APC: variants seen among roughly 807,000 people sequenced by gnomAD.
The protein encoded by APC is adenomatous polyposis coli protein.
A neutral mutation model predicts 247.0 loss-of-function variants in APC; 72 were observed. The observed-to-expected ratio is 0.29, with a 90% CI of 0.24 to 0.35. The LOEUF is 0.35. Among genes scored for constraint, APC ranks in the 10% least tolerant of loss-of-function variants. The pLI, the probability that APC is intolerant of heterozygous loss-of-function variation, is 1.00. For missense variants in APC, 3,400 were observed against 3,360.7 expected, an observed-to-expected ratio of 1.01 and a Z score of -0.29; for synonymous variants, 1,254 against 1,162.5, an observed-to-expected ratio of 1.08 and a Z score of -1.60.
chr5:112,832,362 A>G (rs1038536990), intron 14 of APC, among the ~76,000 whole-genome samples: 3 of 152,166 alleles, frequency 2.0e-5, no homozygotes, highest in Admixed American at 6.5e-5. Flanking sequence ...AATTGGGCTC[A>G]TCTTGATTGA....
chr5:112,733,408 G>C (rs146214070), upstream of APC, among the ~76,000 whole-genome samples: 1 of 152,190 alleles, frequency 6.6e-6, no homozygotes, highest in African/African-American at 2.4e-5. Flanking sequence ...ACTTAAGAGT[G>C]GAAGAGGGAG....
intron 1 of APC, 36 bp from the exon 2 acceptor site, chr5:112,754,837 T>C: frequency 1.2e-6 from 2 of 1,607,740 alleles, no homozygotes; most frequent in Non-Finnish European, 1.7e-6. Flanking sequence ...CTAAATTTTT[T>C]AGTAGTGAAT....
At position 112,839,524 on chromosome 5, in the gene APC, G is replaced by T. The variant is rs1461685734; in HGVS notation, c.3930G>T (p.Lys1310Asn). 1 of 1,614,062 alleles carries T rather than the reference G, an allele frequency of 6.2e-7. No individual in the cohort carries two copies. The highest frequency in any genetic ancestry group is 1.3e-5 in the African/African-American group (1 of 74,936). ...TGCAAATAGCAGAAATAAAAGAAAA[G>T]ATTGGAACTAGGTCAGCTGAAGATC... ...NTLQIAEIKEKIGTRSAEDPV... is the reference protein window; with the variant it reads ...NTLQIAEIKENIGTRSAEDPV... The change falls in exon 16 of 16, where the codon AAG becomes AAT. Residue 1310 changes from lysine (K) to asparagine (N), a missense_variant. This residue lies in a region of APC where 715 missense variants were observed against 656.6 expected (regional missense o/e 1.09). Coordinates refer to ENST00000257430, the MANE Select transcript of APC (RefSeq NM_000038.6). The surrounding 1 kb of genome is among the most constrained non-coding windows in gnomAD (Gnocchi z 5.0).
chr5:112,737,967 A>C, intron 1 of APC, 42 bp downstream of exon 1: 2 of 952,350 alleles, frequency 2.1e-6, no homozygotes, highest in Non-Finnish European at 2.5e-6. Flanking sequence ...CTGCGGGGGG[A>C]GGGGGGAAGG....
chr5:112,838,283 A>T lies in APC; in HGVS notation c.2689A>T (p.Ile897Phe), dbSNP rs1391953704. Residue 897 changes from isoleucine to phenylalanine, a missense_variant, in exon 16 of 16, where the codon ATT (isoleucine) becomes TTT (phenylalanine). Ile to Phe is a conservative substitution (Grantham distance 21). Coordinates refer to ENST00000257430, the MANE Select transcript of APC (RefSeq NM_000038.6). ...CAAAGTCATGGAAGAAGTGTCAGCC[A>T]TTCATACCTCTCAGGAAGACAGAAG... ...IAKVMEEVSA[I>F]HTSQEDRSSG... 6.2e-7 allele frequency: 1 copy of T among 1,614,238 alleles called. No individual in the cohort carries two copies. Among genetic ancestry groups the T allele is most frequent in the South Asian group, 1.1e-5 (1 of 91,084 alleles).
At chr5:112,825,622 C>G (rs534849632) in intron 11 of APC, among the ~76,000 whole-genome samples, 1 of 152,170 alleles carries the variant, frequency 6.6e-6, no homozygotes, top group Non-Finnish European at 1.5e-5. Context: ...GAGGCCGAGG[C>G]AGGAGAATCA....
At chr5:112,728,976 A>G (rs1169784689) in intron 1 of APC, among the ~76,000 whole-genome samples, 1 of 152,120 alleles carries the variant, frequency 6.6e-6, no homozygotes, top group Admixed American at 6.5e-5. Flanking sequence ...ATTCCTAAAC[A>G]TCCTTGAAGT....
At chr5:112,717,279 G>A (rs1406271007) in intron 1 of APC, among the ~76,000 whole-genome samples, 4 of 152,076 alleles carry the variant, frequency 2.6e-5, no homozygotes, top group Non-Finnish European at 4.4e-5. Flanking sequence ...ATGAGCCACC[G>A]TGCCCAGCCC....
Position 112,830,027 on chromosome 5 carries a change from C to G in APC, c.1743+1055C>G, listed in dbSNP as rs536477381. 6 of 152,162 alleles carry G rather than the reference C, an allele frequency of 3.9e-5. No individual in the cohort carries two copies. The East Asian group carries it at 9.6e-4, about 24-fold the overall frequency. The allele number at this position is 152,162 out of a possible 1,614,324, so 9.4% of individuals were successfully genotyped here. A position where few individuals can be genotyped will look rare whatever the true frequency, so the allele number is the denominator to read the frequency against. On this transcript the variant is annotated intron_variant, in intron 14 of 15. Transcript: ENST00000257430. ...TAGGTTTCCTTTCACCCAGCTAGTC[C>G]TCCTATACCCACAGCCTACATGTTC...
intron 8 of APC, among the ~76,000 whole-genome samples, chr5:112,811,608 A>G (rs1761990763): frequency 6.6e-6 from 1 of 152,234 alleles, no homozygotes; most frequent in East Asian, 1.9e-4. Context: ...GGAGCTATAT[A>G]GGAAGATAAC....
At position 112,837,494 on chromosome 5, in the gene APC, T is replaced by G. The variant is rs150389268; in HGVS notation, c.1959-59T>G. On this transcript the variant is annotated intron_variant, in intron 15 of 15. Transcript: ENST00000257430. Reference sequence around the variant, plus strand: ...TGCCTTTTGTCTTCTATCCTTTTATTTGTTGTTACTGCATACACATTGTGA... The same window carrying G: ...TGCCTTTTGTCTTCTATCCTTTTATGTGTTGTTACTGCATACACATTGTGA... The G allele has an allele frequency of 6.3e-5, 80 of 1,272,360 alleles. No individual in the cohort carries two copies. The African/African-American group carries it at 9.7e-4, about 15-fold the overall frequency. 78.8% of individuals were successfully genotyped at this position (1,272,360 alleles called of 1,614,324 possible).
At chr5:112,788,932 A>G (rs1337970820) in intron 6 of APC, among the ~76,000 whole-genome samples, 1 of 152,036 alleles carries the variant, frequency 6.6e-6, no homozygotes, top group Non-Finnish European at 1.5e-5. Context: ...TTGTGTAAGA[A>G]CTCTAATACA....
chr5:112,842,902 A>G lies in APC; in HGVS notation c.7308A>G (p.Val2436=), dbSNP rs1220693522. Residue 2436 remains valine, a synonymous_variant, in exon 16 of 16, where the codon GTA becomes GTG. Coordinates refer to ENST00000257430, the MANE Select transcript of APC (RefSeq NM_000038.6). Reference sequence around the variant, plus strand: ...AATCTGATAGATCAGAAAGACCTGTATTAGTACGCCAGTCAACTTTCATCA... The same window carrying G: ...AATCTGATAGATCAGAAAGACCTGTGTTAGTACGCCAGTCAACTTTCATCA... The part of the protein sequence containing the change: ...GSESDRSERP[V]LVRQSTFIKE... The G allele has an allele frequency of 1.2e-6, 2 of 1,614,104 alleles. No individual in the cohort carries two copies. The highest frequency in any genetic ancestry group is 2.2e-5 in the East Asian group (1 of 44,880).
chr5:112,777,020 C>G (rs1408492996), intron 5 of APC, among the ~76,000 whole-genome samples: 1 of 152,058 alleles, frequency 6.6e-6, no homozygotes, highest in African/African-American at 2.4e-5. Flanking sequence ...CAAACCATTG[C>G]ATTTATAGAT....
chr5:112,832,569 G>C (rs984623900), intron 14 of APC, among the ~76,000 whole-genome samples: 1 of 152,146 alleles, frequency 6.6e-6, no homozygotes, highest in Non-Finnish European at 1.5e-5. Context: ...TTGTCTCTCT[G>C]GACTTATTTT....
Position 112,707,843 on chromosome 5 carries a change from C to T in APC, c.126C>T (p.Gly42=), listed in dbSNP as rs2149631247. 7.3e-6 allele frequency: 10 copies of T among 1,370,292 alleles called. No homozygotes were observed. Among genetic ancestry groups the T allele is most frequent in the Non-Finnish European group, 9.6e-6 (10 of 1,038,632 alleles). 84.9% of individuals were successfully genotyped at this position (1,370,292 alleles called of 1,614,324 possible). A position where few individuals can be genotyped will look rare whatever the true frequency, so the allele number is the denominator to read the frequency against. ...TCCGGCAGGAGACGAAGAGCCCGGG[C>T]GGCGCTCGTACTTCTGGCCACTGGG... The change falls in exon 1 of 14, where the codon GGC becomes GGT. Residue 42 remains glycine (G), a synonymous_variant. Transcript: ENST00000507379.
intron 8 of APC, 119 bp from the exon 9 acceptor site, chr5:112,815,375 CT>C: frequency 1.4e-6 from 1 of 702,436 alleles, no homozygotes; most frequent in Non-Finnish European, 2.5e-6. Context: ...AATGGTCATA[CT>C]TTTATGATGT....
intron 6 of APC, among the ~76,000 whole-genome samples, chr5:112,787,756 A>G (rs1759128823): frequency 1.3e-5 from 2 of 152,320 alleles, no homozygotes; most frequent in South Asian, 4.1e-4. Context: ...TTAGCCTCAT[A>G]ACAAAAATAA....
At chr5:112,751,221 CA>C (rs1289228886) in intron 1 of APC, among the ~76,000 whole-genome samples, 1 of 151,756 alleles carries the variant, frequency 6.6e-6, no homozygotes, top group Non-Finnish European at 1.5e-5. Context: ...ATTATCAAAA[CA>C]AAAAAACTAA....
Sources: gnomAD v4.1 joint callset for allele counts (sites outside exome capture counted in the v4.1 genomes callset) on GRCh38, gnomAD v4.1.1 for gene constraint, gnomAD v4.1.1 regional missense constraint, Gnocchi (gnomAD v3.1) non-coding constraint, MANE v1.5 for transcripts, NCBI Gene and HGNC (gene_info 2026-07-23, HGNC 2026-07-21) for gene names.